Variants in SUGCT observed in about 807,000 individuals in gnomAD.
SUGCT encodes succinyl-CoA:glutarate-CoA transferase, also known as succinyl-CoA:glutarate CoA-transferase.
Under a neutral mutation model 55.0 loss-of-function variants are expected in SUGCT, and 41 were observed. The observed-to-expected ratio is 0.74, with a 90% CI of 0.58 to 0.97. The LOEUF (loss-of-function observed/expected upper bound fraction) is 0.97. Among genes scored for constraint, SUGCT ranks in the 50% least tolerant of loss-of-function variants. The pLI is 0.00. For missense variants in SUGCT, 568 were observed against 547.8 expected (o/e 1.04, Z -0.37); for synonymous variants, 187 against 200.4 (o/e 0.93, Z 0.56).
chr7:40,302,195 A>T (rs1794578652), intron 8 of SUGCT, among the ~76,000 whole-genome samples: 1 of 152,084 alleles, frequency 6.6e-6, no homozygotes, highest in Non-Finnish European at 1.5e-5. Context: ...TGCCTTTGAT[A>T]TACATTCAAC....
the SUGCT span, among the ~76,000 whole-genome samples, chr7:40,877,876 A>G: frequency 2.6e-5 from 4 of 152,266 alleles, no homozygotes; most frequent in East Asian, 7.7e-4. Context: ...TGACAAAACC[A>G]GACATGATGA....
intron 12 of SUGCT, among the ~76,000 whole-genome samples, chr7:40,677,768 A>G (rs1273816325): frequency 6.6e-6 from 1 of 152,252 alleles, no homozygotes; most frequent in Non-Finnish European, 1.5e-5. Context: ...TAGTAGCTGT[A>G]TCTATTGCTA....
intron 13 of SUGCT, among the ~76,000 whole-genome samples, chr7:40,835,565 G>A (rs1050745901): frequency 2.0e-5 from 3 of 152,082 alleles, no homozygotes; most frequent in African/African-American, 7.2e-5. Flanking sequence ...TTCTGTAAAG[G>A]ATCTACATAA....
intron 8 of SUGCT, among the ~76,000 whole-genome samples, chr7:40,307,551 A>T (rs2151090403): frequency 6.6e-6 from 1 of 152,310 alleles, no homozygotes; most frequent in Non-Finnish European, 1.5e-5. Flanking sequence ...TCAGTGCTTC[A>T]GTTTTCTCAT....
chr7:40,884,938 A>G, the SUGCT span, among the ~76,000 whole-genome samples: 1 of 152,168 alleles, frequency 6.6e-6, no homozygotes, highest in African/African-American at 2.4e-5. Context: ...TACTTGGGTA[A>G]GAGCTCTGCC....
At chr7:40,282,460 G>A (rs1231759720) in intron 8 of SUGCT, among the ~76,000 whole-genome samples, 1 of 150,088 alleles carries the variant, frequency 6.7e-6, no homozygotes, top group Non-Finnish European at 1.5e-5. Context: ...AGAGCTAGAC[G>A]CTGTCTCAAA....
chr7:40,810,422 A>C (rs928589661), intron 13 of SUGCT, among the ~76,000 whole-genome samples: 1 of 152,122 alleles, frequency 6.6e-6, no homozygotes, highest in Non-Finnish European at 1.5e-5. Context: ...CAGCCTCACC[A>C]GCATCTGTTG....
intron 12 of SUGCT, among the ~76,000 whole-genome samples, chr7:40,734,991 A>C (rs1172543090): frequency 6.6e-6 from 1 of 152,206 alleles, no homozygotes; most frequent in Non-Finnish European, 1.5e-5. Context: ...CAAAACTCAC[A>C]GGTGTCCCAC....
chr7:40,316,292 CTG>C (rs1192541226), intron 8 of SUGCT, among the ~76,000 whole-genome samples: 3 of 152,158 alleles, frequency 2.0e-5, no homozygotes, highest in African/African-American at 7.2e-5. Context: ...TATTACTTTT[CTG>C]TGTCATCAGA....
chr7:40,195,078 C>G lies in SUGCT; in HGVS notation c.484+18C>G. The stretch of plus-strand genomic sequence containing the variant: ...CATCACAGGTATTTCAACCCCACAC[C>G]CTTGTCAGTTAAAAGGTTTTCCAGT... On this transcript the variant is annotated intron_variant, in intron 6 of 13. Transcript: ENST00000335693. 2 of 1,601,338 alleles carry G rather than the reference C, an allele frequency of 1.2e-6. No homozygotes were observed. The highest frequency in any genetic ancestry group is 2.3e-5 in the South Asian group (2 of 88,106).
chr7:40,194,890 G>C (rs755915018), intron 5 of SUGCT, 50 bp from the exon 6 acceptor site: 3 of 1,576,456 alleles, frequency 1.9e-6, no homozygotes, highest in Non-Finnish European at 2.6e-6. Flanking sequence ...ATTCTATCAT[G>C]TGGGGATTTG....
chr7:40,958,983 A>G, the SUGCT span, among the ~76,000 whole-genome samples: 3 of 152,312 alleles, frequency 2.0e-5, no homozygotes, highest in Admixed American at 6.5e-5. Context: ...TTGCCTGGGT[A>G]TCACCAGCAG....
At chr7:40,249,325 A>ATATCTATATATATATATATC (rs1562612058) in intron 7 of SUGCT, among the ~76,000 whole-genome samples, 1 of 117,426 alleles carries the variant, frequency 8.5e-6, no homozygotes, top group Non-Finnish European at 1.8e-5. Flanking sequence ...ATATATATAT[A>ATATCTATATATATATATATC]TATATATATA....
At chr7:40,923,621 C>T in the SUGCT span, among the ~76,000 whole-genome samples, 3 of 152,144 alleles carry the variant, frequency 2.0e-5, no homozygotes, top group Non-Finnish European at 2.9e-5. Context: ...AAAGCACTGA[C>T]TGGTCAAGGT....
intron 12 of SUGCT, among the ~76,000 whole-genome samples, chr7:40,644,763 C>A (rs1800422879): frequency 6.6e-6 from 1 of 152,154 alleles, no homozygotes; most frequent in African/African-American, 2.4e-5. Flanking sequence ...CATTCCTCGT[C>A]TCCTCATTTC....
At chr7:40,803,296 G>A (rs991634290) in intron 13 of SUGCT, among the ~76,000 whole-genome samples, 1 of 152,106 alleles carries the variant, frequency 6.6e-6, no homozygotes, top group East Asian at 1.9e-4. Flanking sequence ...AGATATGTCA[G>A]GCCTTGCACC....
intron 9 of SUGCT, among the ~76,000 whole-genome samples, chr7:40,362,241 A>T (rs1192230587): frequency 1.3e-5 from 2 of 152,104 alleles, no homozygotes; most frequent in African/African-American, 4.8e-5. Context: ...CAACATGGCA[A>T]ATCCCTGTCT....
intron 13 of SUGCT, among the ~76,000 whole-genome samples, chr7:40,850,116 C>T (rs1234176286): frequency 2.0e-5 from 3 of 152,122 alleles, no homozygotes; most frequent in Admixed American, 6.5e-5. Flanking sequence ...GCTCTCTTCG[C>T]GTTCTACTTC....
chr7:40,731,466 C>T (rs75745165), intron 12 of SUGCT, among the ~76,000 whole-genome samples: 2,914 of 152,238 alleles, frequency 0.019, 92 homozygotes, highest in African/African-American at 0.067. Flanking sequence ...TAGGAAAAAA[C>T]AGCATTATCA....
Sources: allele counts gnomAD v4.1 joint callset (sites outside exome capture counted in the v4.1 genomes callset), GRCh38; gene constraint gnomAD v4.1.1; transcripts MANE v1.5; gene names NCBI Gene and HGNC (gene_info 2026-07-23, HGNC 2026-07-21).